Variants in NBL1 observed in about 807,000 individuals in gnomAD.
NBL1 encodes the protein NBL1, DAN family BMP antagonist.
A neutral mutation model predicts 16.0 loss-of-function variants in NBL1; 9 were observed. The observed-to-expected ratio is 0.56, with a 90% CI of 0.34 to 0.98. The LOEUF (loss-of-function observed/expected upper bound fraction) is 0.98, where lower values mean the gene tolerates loss of function less well. Ranked by LOEUF, NBL1 falls within the 50% of genes least tolerant of loss-of-function variation. The probability of loss-of-function intolerance (pLI) is 0.02; values close to 1 mark genes in which losing one functional copy is unlikely to be tolerated. For synonymous variants in NBL1, 86 were observed against 100.7 expected (o/e 0.85, Z 0.87); for missense variants, 196 against 243.1 (o/e 0.81, Z 1.29).
chr1:19,657,935 T>G lies in NBL1; in HGVS notation c.*806T>G, dbSNP rs541596538. The G allele has an allele frequency of 6.5e-6, 1 of 153,008 alleles. No homozygotes were observed. The highest frequency in any genetic ancestry group is 1.5e-5 in the Non-Finnish European group (1 of 68,258). The allele number at this position is 153,008 out of a possible 1,614,324, so 9.5% of individuals were successfully genotyped here. A position where few individuals can be genotyped will look rare whatever the true frequency, so the allele number is the denominator to read the frequency against. ...TGTTAGAAATGTTAGTGCCCCGCACTGTGCCCCAAGTTCTAGGCCCCCCAG... is the reference window on the plus strand; with the variant it reads ...TGTTAGAAATGTTAGTGCCCCGCACGGTGCCCCAAGTTCTAGGCCCCCCAG... On this transcript the variant is annotated 3_prime_UTR_variant, in exon 4 of 4. Transcript: ENST00000375136.
chr1:19,653,285 C>CA (rs10631531), intron 1 of NBL1, among the ~76,000 whole-genome samples: 31,791 of 92,622 alleles, frequency 0.34, 6,381 homozygotes, highest in African/African-American at 0.57. Flanking sequence ...GACTCCGTCT[C>CA]AAAAAAAAAA....
At chr1:19,652,210 C>T (rs2095030284) in intron 1 of NBL1, among the ~76,000 whole-genome samples, 1 of 152,198 alleles carries the variant, frequency 6.6e-6, no homozygotes, top group Admixed American at 6.5e-5. Flanking sequence ...GGGGGCCAGT[C>T]CAGCCCAGGG....
intron 1 of NBL1, among the ~76,000 whole-genome samples, chr1:19,649,035 G>A (rs1038474740): frequency 8.5e-5 from 13 of 152,236 alleles, no homozygotes; most frequent in Admixed American, 8.5e-4. Context: ...AGTCGGCTGG[G>A]GCAGTGGTGG....
intron 1 of NBL1, among the ~76,000 whole-genome samples, chr1:19,649,515 C>T (rs2095009114): frequency 1.3e-5 from 2 of 152,082 alleles, no homozygotes; most frequent in Admixed American, 1.3e-4. Flanking sequence ...TGTGCCACCA[C>T]ACCCGGCTAG....
At chr1:19,644,166 T>G (rs985073126), upstream of NBL1, 8 of 979,418 alleles carry the variant, frequency 8.2e-6, no homozygotes, top group African/African-American at 1.2e-4. The surrounding 1 kb of genome is among the most constrained non-coding windows in gnomAD (Gnocchi z 4.6). Context: ...CGCCCCCTCC[T>G]GCGCACCCGG....
At chr1:19,644,131 G>A, upstream of NBL1, 1 of 978,336 alleles carries the variant, frequency 1.0e-6, no homozygotes, top group Non-Finnish European at 1.2e-6. This position sits in a 1 kb window ranked among gnomAD's most constrained non-coding sequence, Gnocchi z 4.6. Context: ...GGCCAGGAGA[G>A]GGCCCGGGGC....
In NBL1 at chr1:19,644,459, C is replaced by T. The variant is rs1050875813; in HGVS notation, c.-20+13C>T. On this transcript the variant is annotated intron_variant, in intron 1 of 3. Transcript: ENST00000375136. This position sits in a 1 kb window ranked among gnomAD's most constrained non-coding sequence, Gnocchi z 4.6. ...GCGGGCGCGCGCGGTAAGTCCCGCC[C>T]GGGTCGGCACGCGGGCGCCCGGCTT... is the stretch of plus-strand genomic sequence containing the variant. 1.5e-5 allele frequency: 15 copies of T among 978,412 alleles called. No homozygotes were observed. Among genetic ancestry groups the T allele is most frequent in the Non-Finnish European group, 1.8e-5 (15 of 827,098 alleles). The allele number at this position is 978,412 out of a possible 1,614,324, so 60.6% of individuals were successfully genotyped here.
intron 1 of NBL1, among the ~76,000 whole-genome samples, chr1:19,649,934 T>G (rs2095013033): frequency 1.3e-5 from 2 of 151,882 alleles, no homozygotes; most frequent in South Asian, 4.1e-4. Flanking sequence ...GTGCTGGGAT[T>G]ACAGGTGTGA....
At chr1:19,646,102 G>C (rs1395218672) in intron 1 of NBL1, 8 of 1,521,254 alleles carry the variant, frequency 5.3e-6, no homozygotes, top group Non-Finnish European at 6.2e-6. Flanking sequence ...ATGCAGGCAG[G>C]CCTGGGTGGC....
intron 1 of NBL1, among the ~76,000 whole-genome samples, chr1:19,648,463 TGGCA>T (rs1442729126): frequency 2.6e-5 from 4 of 152,212 alleles, no homozygotes; most frequent in Non-Finnish European, 5.9e-5. Context: ...GTCTCAGTTT[TGGCA>T]GGCATCTCAG....
Position 19,657,334 on chromosome 1 carries a change from G to A in NBL1, c.*205G>A. ...TGCACAATTTAATATATTCAAGAGT[G>A]GGGGGAGGAAGCAGAGGTCTTCAGG... On this transcript the variant is annotated 3_prime_UTR_variant, in exon 4 of 4. Coordinates refer to ENST00000375136, the MANE Select transcript of NBL1 (RefSeq NM_005380.8). The A allele has an allele frequency of 8.0e-6, 3 of 375,358 alleles. No homozygotes were observed. Among genetic ancestry groups the A allele is most frequent in the Non-Finnish European group, 1.4e-5 (3 of 208,846 alleles). 23.3% of individuals were successfully genotyped at this position (375,358 alleles called of 1,614,324 possible). A position where few individuals can be genotyped will look rare whatever the true frequency, so the allele number is the denominator to read the frequency against.
intron 1 of NBL1, among the ~76,000 whole-genome samples, chr1:19,653,052 C>G (rs2095035965): frequency 6.6e-6 from 1 of 151,736 alleles, no homozygotes; most frequent in Admixed American, 6.6e-5. Context: ...CTTTGGGAGG[C>G]TGAGGCGGGC....
chr1:19,655,531 C>A, intron 3 of NBL1, 96 bp downstream of exon 3: 1 of 1,397,514 alleles, frequency 7.2e-7, no homozygotes. Context: ...CAGATGGCCA[C>A]AGGGCCTTAG....
At chr1:19,650,067 C>T (rs1314879691) in intron 1 of NBL1, among the ~76,000 whole-genome samples, 7 of 152,136 alleles carry the variant, frequency 4.6e-5, no homozygotes, top group Non-Finnish European at 7.4e-5. Context: ...CTCCGCCTCC[C>T]GGGTTCACGC....
chr1:19,654,632 T>C (rs745785249), intron 1 of NBL1, among the ~76,000 whole-genome samples: 82 of 152,166 alleles, frequency 5.4e-4, no homozygotes, highest in Non-Finnish European at 1.0e-3. Context: ...GAACACTTCG[T>C]AATCGCAATC....
At chr1:19,644,101 A>G, upstream of NBL1, 2 of 973,196 alleles carry the variant, frequency 2.1e-6, no homozygotes, top group Non-Finnish European at 2.4e-6. The surrounding 1 kb of genome is among the most constrained non-coding windows in gnomAD (Gnocchi z 4.6). Flanking sequence ...AGCGCGCCGA[A>G]GCTCAGCCCG....
chr1:19,643,430 C>T, upstream of NBL1: 1 of 1,611,886 alleles, frequency 6.2e-7, no homozygotes, highest in Non-Finnish European at 8.5e-7. This position sits in a 1 kb window ranked among gnomAD's most constrained non-coding sequence, Gnocchi z 4.7. Flanking sequence ...TCCCCAAGTC[C>T]TACAATCGTG....
intron 1 of NBL1, among the ~76,000 whole-genome samples, chr1:19,653,008 C>T (rs1352940980): frequency 5.5e-5 from 8 of 145,934 alleles, no homozygotes; most frequent in Admixed American, 3.5e-4. Flanking sequence ...ATAAGTAAGG[C>T]CGGGCGCAGT....
At chr1:19,656,810 C>G (rs1040372102) in intron 3 of NBL1, 56 bp from the exon 4 acceptor site, 35 of 1,547,294 alleles carry the variant, frequency 2.3e-5, no homozygotes, top group Middle Eastern at 3.5e-4. Flanking sequence ...TAGGGGCTGC[C>G]TTGCCTGCCC....
Sources: gnomAD v4.1 joint callset for allele counts (sites outside exome capture counted in the v4.1 genomes callset) on GRCh38, gnomAD v4.1.1 for gene constraint, Gnocchi (gnomAD v3.1) non-coding constraint, MANE v1.5 for transcripts, NCBI Gene and HGNC (gene_info 2026-07-23, HGNC 2026-07-21) for gene names.